Variants in FBXL4 observed in about 807,000 individuals in gnomAD.
FBXL4 encodes F-box/LRR-repeat protein 4.
In FBXL4, 40 loss-of-function variants were observed where a neutral mutation model predicts 58.9. That is an observed-to-expected ratio of 0.68 (90% CI 0.53 to 0.88). The LOEUF (loss-of-function observed/expected upper bound fraction) is 0.88. Ranked by LOEUF, FBXL4 falls within the 40% of genes least tolerant of loss-of-function variation. The pLI is 0.00. For synonymous variants in FBXL4, 263 were observed against 265.5 expected, an observed-to-expected ratio of 0.99 and a Z score of 0.09; for missense variants, 676 against 734.4, an observed-to-expected ratio of 0.92 and a Z score of 0.92.
chr6:98,936,004 C>T (rs1773204477), intron 1 of FBXL4, among the ~76,000 whole-genome samples: 1 of 151,816 alleles, frequency 6.6e-6, no homozygotes, highest in East Asian at 1.9e-4. Context: ...TTACTTTAGC[C>T]AAATACTAGC....
In FBXL4 at chr6:98,923,837, A is replaced by G. The variant is rs562359200; in HGVS notation, c.512+2640T>C. On this transcript the variant is annotated intron_variant, in intron 4 of 9. Coordinates refer to ENST00000369244, the MANE Select transcript of FBXL4 (RefSeq NM_001278716.2). ...GGCAGAAGAATTACAGATTTTTTTCATATATATTTTCCTTTTTTTTTGGTA... is the reference window on the plus strand; with the variant it reads ...GGCAGAAGAATTACAGATTTTTTTCGTATATATTTTCCTTTTTTTTTGGTA... Among the ~76,000 whole-genome samples the G allele has an allele frequency of 3.3e-5, 5 of 152,240 alleles. No individual in the cohort carries two copies. In the South Asian group the frequency reaches 1.0e-3, roughly 32 times the overall value.
chr6:98,932,774 C>T (rs1328839961), intron 2 of FBXL4, among the ~76,000 whole-genome samples: 1 of 151,994 alleles, frequency 6.6e-6, no homozygotes, highest in Non-Finnish European at 1.5e-5. Context: ...GGATTATTCT[C>T]AAGTTATACT....
Position 98,875,584 on chromosome 6 carries a change from G to T in FBXL4, c.1533C>A (p.Asp511Glu), listed in dbSNP as rs764855095. ...TCTGCAGAGTTGGGCACCAGCCAAG[G>T]TCAAGCTCCTCCAGTAGTGGACACC... ...ASGCPLLEEL[D>E]LGWCPTLQSS... The change falls in exon 9 of 10, where the codon GAC (aspartate) becomes GAA (glutamate). Residue 511 changes from aspartate to glutamate, a missense_variant. By Grantham distance (45) the Asp-to-Glu change is conservative (BLOSUM62 2). Transcript: ENST00000369244. The T allele has an allele frequency of 6.2e-7, 1 of 1,614,102 alleles. No individual in the cohort carries two copies. The highest frequency in any genetic ancestry group is 1.1e-5 in the South Asian group (1 of 91,082).
In FBXL4 at chr6:98,873,306, A is replaced by G. The variant is rs962265050; in HGVS notation, c.*972T>C. 1 of 147,676 alleles carries G rather than the reference A, an allele frequency of 6.8e-6. No individual in the cohort carries two copies. Among genetic ancestry groups the G allele is most frequent in the Non-Finnish European group, 1.5e-5 (1 of 67,162 alleles). The allele number at this position is 147,676 out of a possible 1,614,324, so 9.1% of individuals were successfully genotyped here. A position where few individuals can be genotyped will look rare whatever the true frequency, so the allele number is the denominator to read the frequency against. On this transcript the variant is annotated 3_prime_UTR_variant, in exon 10 of 10. Transcript: ENST00000369244. ...TATAATATATAATATATACATGTAT[A>G]TATTAAAAATCATAAATGTGGATAT...
chr6:98,929,408 C>T (rs1236383922), intron 2 of FBXL4, among the ~76,000 whole-genome samples: 1 of 151,672 alleles, frequency 6.6e-6, no homozygotes, highest in Non-Finnish European at 1.5e-5. Flanking sequence ...CCCGTCTCTA[C>T]TAAAAATATA....
intron 6 of FBXL4, 76 bp downstream of exon 6, chr6:98,905,349 TA>T (rs1373417227): frequency 6.6e-7 from 1 of 1,507,324 alleles, no homozygotes; most frequent in African/African-American, 1.4e-5. Flanking sequence ...TTCAAACTTT[TA>T]TTATGAAAAC....
At chr6:98,877,979 C>T (rs189419238) in intron 8 of FBXL4, among the ~76,000 whole-genome samples, 1 of 152,272 alleles carries the variant, frequency 6.6e-6, no homozygotes, top group Admixed American at 6.5e-5. Context: ...ACAGGTGAGA[C>T]ACTGCTCCTC....
chr6:98,897,285 A>G (rs893287054), intron 7 of FBXL4: 1 of 985,332 alleles, frequency 1.0e-6, no homozygotes, highest in Non-Finnish European at 1.2e-6. Context: ...CCTACCCAAG[A>G]AAAGATAGCT....
At chr6:98,908,023 T>C (rs967449074) in intron 5 of FBXL4, among the ~76,000 whole-genome samples, 2 of 152,206 alleles carry the variant, frequency 1.3e-5, no homozygotes, top group African/African-American at 4.8e-5. Context: ...TAGTGGTCCC[T>C]ATACCTAGAA....
In FBXL4 at chr6:98,917,384, A is replaced by G; in HGVS notation, c.848T>C (p.Leu283Pro). The G allele has an allele frequency of 2.5e-6, 4 of 1,601,534 alleles. No homozygotes were observed. Among genetic ancestry groups the G allele is most frequent in the Non-Finnish European group, 3.4e-6 (4 of 1,173,416 alleles). ...EGPNNGYFDK[L>P]PYELIQLILN... Reference sequence around the variant, plus strand: ...ATATTTTTGGCTTACCTCATAAGGTAGTTTATCAAAATACCCATTATTTGG... The same window carrying G: ...ATATTTTTGGCTTACCTCATAAGGTGGTTTATCAAAATACCCATTATTTGG... The change falls in exon 5 of 10, where the codon CTA (leucine) becomes CCA (proline). Residue 283 changes from leucine (L) to proline (P), a missense_variant. Leu to Pro is a moderately conservative substitution (Grantham distance 98, BLOSUM62 -3). Transcript: ENST00000369244.
intron 5 of FBXL4, among the ~76,000 whole-genome samples, chr6:98,916,395 T>C (rs1485304798): frequency 1.3e-5 from 2 of 152,104 alleles, no homozygotes; most frequent in Admixed American, 1.3e-4. Flanking sequence ...CTATTCACAA[T>C]AGCAAAGACT....
chr6:98,904,808 T>C (rs1771737596), intron 6 of FBXL4, among the ~76,000 whole-genome samples: 1 of 152,168 alleles, frequency 6.6e-6, no homozygotes, highest in African/African-American at 2.4e-5. Context: ...TACTATGGCA[T>C]TACTAAATGA....
At chr6:98,890,931 A>C (rs1771204982) in intron 7 of FBXL4, among the ~76,000 whole-genome samples, 1 of 152,208 alleles carries the variant, frequency 6.6e-6, no homozygotes, top group Non-Finnish European at 1.5e-5. Flanking sequence ...AAACAAAAAA[A>C]AACAACAAAA....
At chr6:98,914,628 C>CT (rs1288508156) in intron 5 of FBXL4, among the ~76,000 whole-genome samples, 2 of 150,318 alleles carry the variant, frequency 1.3e-5, no homozygotes, top group Non-Finnish European at 3.0e-5. Flanking sequence ...ACGCTTCATG[C>CT]TAAAAACTCT....
At chr6:98,938,250 G>C (rs1020437652) in intron 1 of FBXL4, among the ~76,000 whole-genome samples, 4 of 152,064 alleles carry the variant, frequency 2.6e-5, no homozygotes, top group African/African-American at 7.2e-5. Flanking sequence ...TCTCTCTGTT[G>C]AGGTTCTCAT....
intron 5 of FBXL4, among the ~76,000 whole-genome samples, chr6:98,910,209 C>T (rs562051280): frequency 9.2e-5 from 14 of 152,232 alleles, no homozygotes; most frequent in Non-Finnish European, 1.6e-4. Flanking sequence ...AGGAATATTT[C>T]GAAACTGGTG....
Position 98,899,494 on chromosome 6 carries a change from C to A in FBXL4, c.1104-13G>T, listed in dbSNP as rs118092784. 24 of 1,606,620 alleles carry A rather than the reference C, an allele frequency of 1.5e-5. No homozygotes were observed. The highest frequency in any genetic ancestry group is 9.4e-5 in the African/African-American group (7 of 74,608). On this transcript the variant is annotated splice_polypyrimidine_tract_variant and intron_variant, in intron 6 of 9. Transcript: ENST00000369244. ...AACCTTCAGAAACCTGCCAAAACAA[C>A]ATTCTATGTGAATTTTATAAAACTA...
intron 5 of FBXL4, among the ~76,000 whole-genome samples, chr6:98,916,383 C>T (rs1772347506): frequency 6.6e-6 from 1 of 152,158 alleles, no homozygotes; most frequent in Non-Finnish European, 1.5e-5. Context: ...TTTATTGAGG[C>T]ACTATTCACA....
intron 8 of FBXL4, among the ~76,000 whole-genome samples, chr6:98,879,876 G>A (rs1582366513): frequency 7.0e-6 from 1 of 143,296 alleles, no homozygotes; most frequent in African/African-American, 2.6e-5. Context: ...CCGGGAGACG[G>A]AGATTGCAGT....
Sources: allele counts gnomAD v4.1 joint callset (sites outside exome capture counted in the v4.1 genomes callset), GRCh38; gene constraint gnomAD v4.1.1; transcripts MANE v1.5; gene names NCBI Gene and HGNC (gene_info 2026-07-23, HGNC 2026-07-21).